Variants in DCLK1 observed in about 807,000 individuals in gnomAD.
The protein encoded by DCLK1 is serine/threonine-protein kinase DCLK1.
A neutral mutation model predicts 86.2 loss-of-function variants in DCLK1; 16 were observed. The ratio of observed to expected loss-of-function variants is 0.19; its 90% CI spans 0.13 to 0.28. The LOEUF (loss-of-function observed/expected upper bound fraction) is 0.28, where lower values mean the gene tolerates loss of function less well. DCLK1 is among the 10% of genes least tolerant of loss of function. The pLI, the probability that DCLK1 is intolerant of heterozygous loss-of-function variation, is 1.00. For missense variants in DCLK1, 590 were observed against 940.2 expected (o/e 0.63, Z 4.87); for synonymous variants, 369 against 370.5 (o/e 1.00, Z 0.05).
intron 4 of DCLK1, among the ~76,000 whole-genome samples, chr13:35,931,147 G>A (rs539479580): frequency 1.3e-5 from 2 of 152,232 alleles, no homozygotes; most frequent in South Asian, 2.1e-4. Flanking sequence ...TTTTATCAGA[G>A]TTTCCAGGCA....
intron 4 of DCLK1, among the ~76,000 whole-genome samples, chr13:35,895,523 G>A (rs1339817528): frequency 6.6e-6 from 1 of 152,008 alleles, no homozygotes; most frequent in Non-Finnish European, 1.5e-5. Flanking sequence ...TGATGCACAC[G>A]CTAATCTTAT....
At chr13:36,038,842 T>C (rs1188935741) in intron 3 of DCLK1, among the ~76,000 whole-genome samples, 1 of 152,206 alleles carries the variant, frequency 6.6e-6, no homozygotes, top group Non-Finnish European at 1.5e-5. Context: ...GTTAAGAATG[T>C]GTTCAAATAT....
At chr13:35,990,368 T>A (rs1469365020) in intron 3 of DCLK1, among the ~76,000 whole-genome samples, 1 of 152,126 alleles carries the variant, frequency 6.6e-6, no homozygotes, top group East Asian at 1.9e-4. Context: ...TTGAAGCACA[T>A]CCTTTCTCCC....
chr13:35,891,257 AT>A, intron 4 of DCLK1, among the ~76,000 whole-genome samples: 1 of 152,190 alleles, frequency 6.6e-6, no homozygotes, highest in East Asian at 1.9e-4. Context: ...GAATTTTATA[AT>A]TTTTTTAAAA....
chr13:35,958,141 C>CCACCACCATTATAACCAT, intron 3 of DCLK1, among the ~76,000 whole-genome samples: 1 of 19,420 alleles, frequency 5.1e-5, no homozygotes, highest in Non-Finnish European at 1.5e-4. Context: ...ACTATAACCA[C>CCACCACCATTATAACCAT]CACCACCACC....
At chr13:36,108,290 G>T (rs1339226969) in intron 3 of DCLK1, among the ~76,000 whole-genome samples, 2 of 152,178 alleles carry the variant, frequency 1.3e-5, no homozygotes, top group Non-Finnish European at 1.5e-5. Flanking sequence ...TCACACATAG[G>T]CTGCTTATGA....
intron 3 of DCLK1, among the ~76,000 whole-genome samples, chr13:36,067,968 A>T (rs1883827273): frequency 6.6e-6 from 1 of 152,214 alleles, no homozygotes; most frequent in African/African-American, 2.4e-5. Context: ...TCTACATATT[A>T]GGGAGCAAAA....
At chr13:36,088,202 C>T (rs1399996537) in intron 3 of DCLK1, among the ~76,000 whole-genome samples, 1 of 152,194 alleles carries the variant, frequency 6.6e-6, no homozygotes, top group Non-Finnish European at 1.5e-5. Flanking sequence ...GAGCTGTCCA[C>T]ATAATAATTA....
At chr13:35,844,634 C>G (rs1870046079) in intron 6 of DCLK1, among the ~76,000 whole-genome samples, 1 of 152,208 alleles carries the variant, frequency 6.6e-6, no homozygotes. Context: ...CCATGATTTA[C>G]TCCTCAAATG....
At chr13:35,925,677 A>G (rs140428006) in intron 4 of DCLK1, among the ~76,000 whole-genome samples, 1 of 152,308 alleles carries the variant, frequency 6.6e-6, no homozygotes, top group East Asian at 1.9e-4. Flanking sequence ...TAATTTTATT[A>G]TCTTTGAGTC....
intron 3 of DCLK1, among the ~76,000 whole-genome samples, chr13:35,965,687 T>A (rs867007350): frequency 3.9e-5 from 6 of 152,128 alleles, no homozygotes; most frequent in South Asian, 2.1e-4. Context: ...GAAGACTGAC[T>A]GGAAGCCACT....
chr13:36,068,564 C>CT (rs10591840), intron 3 of DCLK1, among the ~76,000 whole-genome samples: 36 of 150,624 alleles, frequency 2.4e-4, no homozygotes, highest in African/African-American at 3.4e-4. Flanking sequence ...AGAGAACAGT[C>CT]TTTTTTTTTT....
intron 15 of DCLK1, among the ~76,000 whole-genome samples, chr13:35,804,526 G>A (rs763615850): frequency 4.6e-5 from 7 of 151,798 alleles, no homozygotes; most frequent in African/African-American, 7.3e-5. Context: ...TCTGCCTCCC[G>A]GGTTCAAGTT....
At chr13:35,984,332 C>T (rs1239038784) in intron 3 of DCLK1, among the ~76,000 whole-genome samples, 1 of 152,202 alleles carries the variant, frequency 6.6e-6, no homozygotes, top group African/African-American at 2.4e-5. Flanking sequence ...GACGAGGCCT[C>T]ATTTGCCTGA....
At chr13:35,943,877 CCT>C (rs1274467877) in intron 4 of DCLK1, among the ~76,000 whole-genome samples, 1 of 152,174 alleles carries the variant, frequency 6.6e-6, no homozygotes, top group African/African-American at 2.4e-5. Flanking sequence ...ATTTTCCCTG[CCT>C]CTGTTTCATC....
intron 3 of DCLK1, among the ~76,000 whole-genome samples, chr13:36,005,707 G>A (rs912872230): frequency 6.6e-6 from 1 of 152,030 alleles, no homozygotes; most frequent in African/African-American, 2.4e-5. Context: ...TGCTGGAGTT[G>A]GTAAAGAAAG....
chr13:36,111,856 A>AGGTG lies in DCLK1; in HGVS notation c.723+12_723+13insCACC, dbSNP rs758871297. 1.9e-6 allele frequency: 3 copies of AGGTG among 1,600,112 alleles called. No individual in the cohort carries two copies. Among genetic ancestry groups the AGGTG allele is most frequent in the Non-Finnish European group, 2.6e-6 (3 of 1,170,318 alleles). On this transcript the variant is annotated intron_variant, in intron 3 of 16. Transcript: ENST00000360631. The stretch of plus-strand genomic sequence containing the variant: ...GCCTTAAAGTCAAAGTCACATCACA[A>AGGTG]TATGTCTCTTACCTGTTTCCCATCC...
At chr13:35,931,210 G>C (rs529129444) in intron 4 of DCLK1, among the ~76,000 whole-genome samples, 3 of 151,990 alleles carry the variant, frequency 2.0e-5, no homozygotes, top group Admixed American at 1.3e-4. Context: ...AACTCAGTTG[G>C]GAAAAACAAG....
At chr13:35,900,597 G>A (rs536172223) in intron 4 of DCLK1, among the ~76,000 whole-genome samples, 15 of 152,224 alleles carry the variant, frequency 9.9e-5, no homozygotes, top group African/African-American at 2.6e-4. Flanking sequence ...TGAGCATTGC[G>A]CAAGCTTACA....
Sources: allele counts gnomAD v4.1 joint callset (sites outside exome capture counted in the v4.1 genomes callset), GRCh38; gene constraint gnomAD v4.1.1; transcripts MANE v1.5; gene names NCBI Gene and HGNC (gene_info 2026-07-23, HGNC 2026-07-21).